AKR1C8: variants seen among roughly 807,000 people sequenced by gnomAD.
The protein encoded by AKR1C8 is aldo-keto reductase family 1 member C-like protein 1.
the AKR1C8 span, among the ~76,000 whole-genome samples, chr10:5,145,717 T>C: frequency 0.02 from 2,982 of 152,216 alleles, 78 homozygotes; most frequent in East Asian, 0.14. Context: ...GGAGAGGATG[T>C]GGAGAAATAG....
chr10:5,132,778 G>A, the AKR1C8 span: 6 of 1,204,608 alleles, frequency 5.0e-6, no homozygotes, highest in South Asian at 1.4e-5. Context: ...ACCCGGAGGA[G>A]TAATGAAAAG....
At chr10:5,141,191 C>G in the AKR1C8 span, among the ~76,000 whole-genome samples, 1 of 152,176 alleles carries the variant, frequency 6.6e-6, no homozygotes, top group Non-Finnish European at 1.5e-5. Context: ...TAGATTTCAA[C>G]CCAAGAACAA....
chr10:5,147,710 G>A, the AKR1C8 span, among the ~76,000 whole-genome samples: 1 of 152,164 alleles, frequency 6.6e-6, no homozygotes, highest in East Asian at 1.9e-4. Context: ...GGGCAGCCCT[G>A]TCTCCATGGC....
At chr10:5,177,104 A>G in the AKR1C8 span, among the ~76,000 whole-genome samples, 22 of 152,240 alleles carry the variant, frequency 1.4e-4, no homozygotes, top group East Asian at 5.8e-4. Context: ...GTATGATATT[A>G]GCTGTGGGTT....
the AKR1C8 span, among the ~76,000 whole-genome samples, chr10:5,167,870 G>C: frequency 4.6e-5 from 7 of 152,124 alleles, no homozygotes; most frequent in Middle Eastern, 0.014. Context: ...CCTTCTTTCA[G>C]TTACATTTAT....
At chr10:5,150,628 CTTTTGAT>C in the AKR1C8 span, among the ~76,000 whole-genome samples, 2 of 152,002 alleles carry the variant, frequency 1.3e-5, no homozygotes, top group Non-Finnish European at 2.9e-5. Flanking sequence ...GTAACTTGAA[CTTTTGAT>C]TTTTGGAACG....
At chr10:5,121,239 C>T in the AKR1C8 span, among the ~76,000 whole-genome samples, 4 of 152,122 alleles carry the variant, frequency 2.6e-5, no homozygotes, top group African/African-American at 9.7e-5. Context: ...TCCAATGGAA[C>T]GTCATGTTTG....
the AKR1C8 span, among the ~76,000 whole-genome samples, chr10:5,184,428 G>A: frequency 5.3e-5 from 8 of 152,210 alleles, no homozygotes; most frequent in East Asian, 7.7e-4. Context: ...TAACAGAATC[G>A]CAGTGGCTTC....
chr10:5,160,971 C>A, the AKR1C8 span: 1 of 447,572 alleles, frequency 2.2e-6, no homozygotes, highest in Non-Finnish European at 4.6e-6. Context: ...GGCCAAACAA[C>A]CTTCAAGAGT....
chr10:5,145,503 A>G, the AKR1C8 span, among the ~76,000 whole-genome samples: 1 of 152,192 alleles, frequency 6.6e-6, no homozygotes, highest in Non-Finnish European at 1.5e-5. Flanking sequence ...TTTACAAGAA[A>G]AAAAACAAAC....
the AKR1C8 span, among the ~76,000 whole-genome samples, chr10:5,131,577 A>G: frequency 1.3e-5 from 2 of 152,178 alleles, no homozygotes; most frequent in Non-Finnish European, 2.9e-5. Flanking sequence ...AACATATGAA[A>G]AAAGGTTCAA....
the AKR1C8 span, among the ~76,000 whole-genome samples, chr10:5,171,868 T>C: frequency 6.6e-6 from 1 of 152,154 alleles, no homozygotes; most frequent in Non-Finnish European, 1.5e-5. Flanking sequence ...AAAATCCACA[T>C]TCTTATGCCT....
At chr10:5,128,065 A>C in the AKR1C8 span, among the ~76,000 whole-genome samples, 1 of 152,214 alleles carries the variant, frequency 6.6e-6, no homozygotes, top group Non-Finnish European at 1.5e-5. Flanking sequence ...AGAATCTATC[A>C]GACTAACAGG....
At chr10:5,123,772 T>C in the AKR1C8 span, 1 of 1,613,340 alleles carries the variant, frequency 6.2e-7, no homozygotes, top group Non-Finnish European at 8.5e-7. Context: ...TCTTTTGACT[T>C]GCAGAAATCC....
the AKR1C8 span, among the ~76,000 whole-genome samples, chr10:5,138,583 C>A: frequency 1.3e-5 from 2 of 151,744 alleles, no homozygotes; most frequent in African/African-American, 2.4e-5. Context: ...AGGCGATGTA[C>A]ATCCTCAGCT....
the AKR1C8 span, among the ~76,000 whole-genome samples, chr10:5,168,172 G>A: frequency 6.6e-6 from 1 of 151,954 alleles, no homozygotes; most frequent in Non-Finnish European, 1.5e-5. Context: ...AACGGTCTGA[G>A]GTTTCCTATG....
At chr10:5,118,628 A>G in the AKR1C8 span, among the ~76,000 whole-genome samples, 1 of 152,142 alleles carries the variant, frequency 6.6e-6, no homozygotes, top group East Asian at 1.9e-4. Flanking sequence ...GAGGATTGAC[A>G]TATAAGAGGG....
chr10:5,133,244 C>T, the AKR1C8 span, among the ~76,000 whole-genome samples: 9 of 152,122 alleles, frequency 5.9e-5, no homozygotes, highest in African/African-American at 1.4e-4. Flanking sequence ...ACCACAGATG[C>T]GCGCTATTAT....
chr10:5,184,427 C>T, the AKR1C8 span, among the ~76,000 whole-genome samples: 1 of 152,202 alleles, frequency 6.6e-6, no homozygotes, highest in South Asian at 2.1e-4. Context: ...GTAACAGAAT[C>T]GCAGTGGCTT....
Sources: gnomAD v4.1 joint callset for allele counts (sites outside exome capture counted in the v4.1 genomes callset) on GRCh38, gnomAD v4.1.1 for gene constraint, MANE v1.5 for transcripts, NCBI Gene and HGNC (gene_info 2026-07-23, HGNC 2026-07-21) for gene names.